Variants in THSD4 observed in about 807,000 individuals in gnomAD.
The protein encoded by THSD4 is thrombospondin type 1 domain containing 4.
THSD4 carries 69 observed loss-of-function variants against 119.0 expected under a neutral mutation model. That is an observed-to-expected ratio of 0.58 (90% CI 0.48 to 0.71). The LOEUF is 0.71. Ranked by LOEUF, THSD4 falls within the 30% of genes least tolerant of loss-of-function variation. The probability of loss-of-function intolerance (pLI) is 0.00; values close to 1 mark genes in which losing one functional copy is unlikely to be tolerated. For missense variants in THSD4, 1,393 were observed against 1,391.1 expected (o/e 1.00, Z -0.02); for synonymous variants, 524 against 540.4 (o/e 0.97, Z 0.42).
chr15:71,638,907 T>G (rs1021179213), intron 7 of THSD4, among the ~76,000 whole-genome samples: 3 of 152,218 alleles, frequency 2.0e-5, no homozygotes, highest in African/African-American at 2.4e-5. Context: ...CTCATTATGG[T>G]CCCTCAGGGA....
rs371433351 is a variant in THSD4, at chr15:71,586,789, G to C, written c.1153-73741G>C. 2.0e-3 allele frequency among the ~76,000 whole-genome samples: 303 copies of C among 152,266 alleles called. 17 individuals carry two copies. The South Asian group carries it at 0.055, about 28-fold the overall frequency. On this transcript the variant is annotated intron_variant, in intron 7 of 17. Transcript: ENST00000261862. ...GCAGTACAGCAGAAGCAGGAAATCTGGGGATCATCTTAGAATTCTGCCTAC... is the reference window on the plus strand; with the variant it reads ...GCAGTACAGCAGAAGCAGGAAATCTCGGGATCATCTTAGAATTCTGCCTAC...
intron 6 of THSD4, among the ~76,000 whole-genome samples, chr15:71,308,023 C>T (rs1308746575): frequency 6.6e-6 from 1 of 152,112 alleles, no homozygotes; most frequent in Non-Finnish European, 1.5e-5. Flanking sequence ...TTTACTGGGG[C>T]CAGTCATAGA....
chr15:71,625,058 A>T (rs1336727036), intron 7 of THSD4, among the ~76,000 whole-genome samples: 2 of 152,014 alleles, frequency 1.3e-5, no homozygotes, highest in Non-Finnish European at 2.9e-5. Context: ...CCCAGGCTGG[A>T]GTACAGTGGT....
intron 7 of THSD4, among the ~76,000 whole-genome samples, chr15:71,587,832 T>G (rs77822937): frequency 0.015 from 2,237 of 149,044 alleles, 57 homozygotes; most frequent in African/African-American, 0.05. Flanking sequence ...AAAAACAGTT[T>G]TACCATGTTT....
intron 6 of THSD4, among the ~76,000 whole-genome samples, chr15:71,401,695 G>A (rs181424985): frequency 2.8e-4 from 42 of 152,282 alleles, no homozygotes; most frequent in African/African-American, 7.9e-4. Flanking sequence ...ACAGTGTGGC[G>A]ATTCCTCAAG....
intron 6 of THSD4, among the ~76,000 whole-genome samples, chr15:71,332,996 C>T (rs1256052691): frequency 6.9e-6 from 1 of 145,060 alleles, no homozygotes; most frequent in Non-Finnish European, 1.5e-5. Context: ...AGATCGGACA[C>T]CTCTGCCTTT....
At chr15:71,420,072 GTGTTGAAGTGTCCAGC>G (rs2046792330) in intron 7 of THSD4, among the ~76,000 whole-genome samples, 1 of 108,214 alleles carries the variant, frequency 9.2e-6, no homozygotes, top group African/African-American at 3.1e-5. Flanking sequence ...TGAAAGTGTG[GTGTTGAAGTGTCCAGC>G]TGTTAATGTA....
chr15:71,664,047 G>T (rs1257196197), intron 8 of THSD4, among the ~76,000 whole-genome samples: 1 of 151,258 alleles, frequency 6.6e-6, no homozygotes. Flanking sequence ...CAGTGGCGCC[G>T]TCTCAGCTCA....
At chr15:71,438,538 G>A (rs962839846) in intron 7 of THSD4, among the ~76,000 whole-genome samples, 2 of 152,054 alleles carry the variant, frequency 1.3e-5, no homozygotes, top group African/African-American at 2.4e-5. Context: ...CTAGTGTATC[G>A]TGTGAGGTAT....
intron 6 of THSD4, among the ~76,000 whole-genome samples, chr15:71,265,372 G>A (rs1197081549): frequency 6.6e-6 from 1 of 152,124 alleles, no homozygotes; most frequent in Non-Finnish European, 1.5e-5. Context: ...CCCTCCCCGA[G>A]TCAAGGGAAG....
chr15:71,133,381 C>G (rs1567134169), intron 1 of THSD4, among the ~76,000 whole-genome samples: 1 of 152,206 alleles, frequency 6.6e-6, no homozygotes, highest in Non-Finnish European at 1.5e-5. Flanking sequence ...AAAGCCCCCA[C>G]CTGAGTTTGA....
chr15:71,338,657 CTGT>C (rs781755206), intron 6 of THSD4, among the ~76,000 whole-genome samples: 4 of 152,028 alleles, frequency 2.6e-5, no homozygotes, highest in Non-Finnish European at 5.9e-5. Context: ...TGAGTTAGTT[CTGT>C]TGTTTGGGCT....
rs571773231 is a variant in THSD4 at position 71,567,061 on chromosome 15, A to T, written c.1153-93469A>T. Among the ~76,000 whole-genome samples the T allele has an allele frequency of 5.3e-5, 8 of 152,290 alleles. No individual in the cohort carries two copies. In the South Asian group the frequency reaches 1.7e-3, roughly 32 times the overall value. On this transcript the variant is annotated intron_variant, in intron 7 of 17. Transcript: ENST00000261862. ...TGGCCCAACTTCGCATAGCAACGCT[A>T]AAAGTTAATTTATGAAGTGGACCCC...
intron 15 of THSD4, among the ~76,000 whole-genome samples, chr15:71,764,252 A>C (rs1422781461): frequency 6.6e-6 from 1 of 152,236 alleles, no homozygotes; most frequent in African/African-American, 2.4e-5. Context: ...TCTCAAAAAC[A>C]AGGAAAAATA....
chr15:71,409,633 T>G (rs2046655959), intron 6 of THSD4, among the ~76,000 whole-genome samples: 1 of 152,178 alleles, frequency 6.6e-6, no homozygotes, highest in African/African-American at 2.4e-5. Flanking sequence ...GAGCTCAGAG[T>G]ATCTAGACGA....
At chr15:71,631,213 CAAGTCATGCA>C (rs2050622784) in intron 7 of THSD4, among the ~76,000 whole-genome samples, 1 of 152,182 alleles carries the variant, frequency 6.6e-6, no homozygotes, top group Non-Finnish European at 1.5e-5. Context: ...TGTGCCAGCC[CAAGTCATGCA>C]GAGTCCTGTG....
rs761314966 is a variant in THSD4, at chr15:71,757,890, CCT to C, written c.2416-11_2416-10del. 4.0e-5 allele frequency: 65 copies of C among 1,612,690 alleles called. No homozygotes were observed. Among genetic ancestry groups the C allele is most frequent in the Middle Eastern group, 3.3e-4 (2 of 6,082 alleles). ...GGCCTCCTGACTAATGTGCCCTTCC[CCT>C]GTCTCACAGTGCTCAGCGGAGTGTG... On this transcript the variant is annotated splice_polypyrimidine_tract_variant and intron_variant, in intron 14 of 17. Transcript: ENST00000261862.
At chr15:71,467,214 A>G (rs552376195) in intron 7 of THSD4, among the ~76,000 whole-genome samples, 1 of 152,332 alleles carries the variant, frequency 6.6e-6, no homozygotes, top group South Asian at 2.1e-4. Flanking sequence ...TAACTTTACT[A>G]AAGATTAGGA....
intron 2 of THSD4, among the ~76,000 whole-genome samples, chr15:71,147,247 C>T (rs182550943): frequency 7.8e-4 from 119 of 152,266 alleles, no homozygotes; most frequent in African/African-American, 2.6e-3. Context: ...CTCTGTTGCC[C>T]AGGCTGGGGT....
Sources: gnomAD v4.1 joint callset for allele counts (sites outside exome capture counted in the v4.1 genomes callset) on GRCh38, gnomAD v4.1.1 for gene constraint, MANE v1.5 for transcripts, NCBI Gene and HGNC (gene_info 2026-07-23, HGNC 2026-07-21) for gene names.